The following SIGLECL1 variants were observed in gnomAD, a reference collection of about 807,000 sequenced individuals.
SIGLECL1 encodes SIGLEC family-like protein 1.
SIGLECL1 carries 16 observed loss-of-function variants against 19.1 expected under a neutral mutation model. The ratio of observed to expected loss-of-function variants is 0.84; its 90% CI spans 0.57 to 1.27. The LOEUF (loss-of-function observed/expected upper bound fraction) is 1.27, where lower values mean the gene tolerates loss of function less well. Ranked by LOEUF, SIGLECL1 falls within the 50% of genes most tolerant of loss-of-function variation. The pLI, the probability that SIGLECL1 is intolerant of heterozygous loss-of-function variation, is 0.00. For synonymous variants in SIGLECL1, 89 were observed against 90.4 expected (o/e 0.98, Z 0.09); for missense variants, 210 against 239.4 (o/e 0.88, Z 0.81).
At chr19:51,257,147 C>CTGTA (rs1396346624) in intron 1 of SIGLECL1, among the ~76,000 whole-genome samples, 1 of 152,130 alleles carries the variant, frequency 6.6e-6, no homozygotes, top group Non-Finnish European at 1.5e-5. Flanking sequence ...TAGCTCACAC[C>CTGTA]TGTAATCCTA....
upstream of SIGLECL1, among the ~76,000 whole-genome samples, chr19:51,248,162 G>A (rs57490406): frequency 0.04 from 5,077 of 127,848 alleles, 273 homozygotes; most frequent in African/African-American, 0.15. Context: ...CAAGATGGCC[G>A]CTCCATCTTC....
chr19:51,265,995 C>G, intron 4 of SIGLECL1, 113 bp downstream of exon 4: 1 of 1,003,820 alleles, frequency 1.0e-6, no homozygotes, highest in Non-Finnish European at 1.5e-6. Context: ...AGCTTAGGGT[C>G]TAAAGAGGGA....
rs1228995777 is a variant in SIGLECL1 at position 51,268,642 on chromosome 19, A to G, written c.*45A>G. On this transcript the variant is annotated 3_prime_UTR_variant, in exon 6 of 6. Transcript: ENST00000601727. ...TACCTGGAGTCGCCATTATCCCTGG[A>G]ATTACAAAGATCTGCAAAATTTATA... 1 of 1,599,924 alleles carries G rather than the reference A, an allele frequency of 6.3e-7. No individual in the cohort carries two copies. The highest frequency in any genetic ancestry group is 1.7e-5 in the Admixed American group (1 of 57,306).
rs149317024 is a variant in SIGLECL1 at position 51,265,859 on chromosome 19, C to G, written c.387C>G (p.Leu129=). 1 of 1,614,152 alleles carries G rather than the reference C, an allele frequency of 6.2e-7. No homozygotes were observed. Among genetic ancestry groups the G allele is most frequent in the African/African-American group, 1.3e-5 (1 of 75,022 alleles). ...ATGCGGGAATTGTAATTGCGCTGCT[C>G]TTCCTCTGCCTCCTCCCTCTCATGT... ...AIYAGIVIAL[L]FLCLLPLIVK... The change falls in exon 4 of 6, where the codon CTC becomes CTG. Residue 129 remains leucine (L), a synonymous_variant. Transcript: ENST00000601727.
Position 51,268,752 on chromosome 19 carries a change from C to T in SIGLECL1, c.*155C>T. 1.5e-6 allele frequency: 1 copy of T among 652,426 alleles called. No individual in the cohort carries two copies. Among genetic ancestry groups the T allele is most frequent in the Non-Finnish European group, 2.7e-6 (1 of 375,722 alleles). 40.4% of individuals were successfully genotyped at this position (652,426 alleles called of 1,614,324 possible). A position where few individuals can be genotyped will look rare whatever the true frequency, so the allele number is the denominator to read the frequency against. On this transcript the variant is annotated 3_prime_UTR_variant, in exon 6 of 6. Coordinates refer to ENST00000601727, the MANE Select transcript of SIGLECL1 (RefSeq NM_001385465.1). ...TCACAAAACCCTCTCAATTCCTACA[C>T]ATCCCTTAACACTCATTCTCCATTG... is the stretch of plus-strand genomic sequence containing the variant.
intron 1 of SIGLECL1, among the ~76,000 whole-genome samples, chr19:51,262,385 A>G (rs748995701): frequency 6.6e-6 from 1 of 152,204 alleles, no homozygotes; most frequent in Non-Finnish European, 1.5e-5. Flanking sequence ...GAATGTACCA[A>G]ATCTTAACAA....
Position 51,265,632 on chromosome 19 carries a change from G to A in SIGLECL1, c.287G>A (p.Ser96Asn). ...AACCAAAACGGAACCCATGCTTTGA[G>A]CATCCTACTGATGTCAAGTGAGGGT... The part of the protein sequence containing the change: ...GKNQNGTHAL[S>N]ILLMSRKSSL... The change falls in exon 3 of 6, where the codon AGC becomes AAC. Residue 96 changes from serine (S) to asparagine (N), a missense_variant. Physicochemically the swap from Ser to Asn is conservative, Grantham distance 46. Coordinates refer to ENST00000601727, the MANE Select transcript of SIGLECL1 (RefSeq NM_001385465.1). The A allele has an allele frequency of 1.2e-6, 2 of 1,613,828 alleles. No homozygotes were observed. Among genetic ancestry groups the A allele is most frequent in the Non-Finnish European group, 1.7e-6 (2 of 1,179,806 alleles).
rs200316667 is a variant in SIGLECL1, at chr19:51,264,103, G to A, written c.22+9G>A. On this transcript the variant is annotated intron_variant, in intron 2 of 5. Transcript: ENST00000601727. ...TCCACTGCTACAGCTGGGTAAGTAAGGTGAGAAGCAGCACTGGAGGTGTGT... is the reference window on the plus strand; with the variant it reads ...TCCACTGCTACAGCTGGGTAAGTAAAGTGAGAAGCAGCACTGGAGGTGTGT... The A allele has an allele frequency of 1.7e-4, 273 of 1,613,980 alleles. 1 individual carries two copies. In the Admixed American group the frequency reaches 4.5e-3, roughly 27 times the overall value.
chr19:51,263,509 T>C lies in SIGLECL1; in HGVS notation c.-190-374T>C, dbSNP rs368352257. 2.0e-5 allele frequency among the ~76,000 whole-genome samples: 3 copies of C among 152,272 alleles called. No individual in the cohort carries two copies. In the South Asian group the frequency reaches 6.2e-4, roughly 32 times the overall value. ...AAAACAAACCGGGCATAGTGGCTTA[T>C]GCCTGTAATCTCAGCTGTTTGGGAG... is the stretch of plus-strand genomic sequence containing the variant. On this transcript the variant is annotated intron_variant, in intron 1 of 5. Transcript: ENST00000601727.
At chr19:51,267,595 G>C in intron 5 of SIGLECL1, 66 bp downstream of exon 5, 1 of 1,569,104 alleles carries the variant, frequency 6.4e-7, no homozygotes, top group Non-Finnish European at 8.7e-7. Context: ...ACAGGGAAAG[G>C]AGCACACAGT....
intron 1 of SIGLECL1, among the ~76,000 whole-genome samples, chr19:51,258,327 G>C (rs186191545): frequency 2.0e-4 from 30 of 152,270 alleles, no homozygotes; most frequent in Non-Finnish European, 3.1e-4. Flanking sequence ...TGAAACATAT[G>C]GTTTGAAAAG....
intron 1 of SIGLECL1, among the ~76,000 whole-genome samples, chr19:51,260,318 G>GT (rs1185998727): frequency 1.3e-5 from 2 of 151,950 alleles, no homozygotes; most frequent in Non-Finnish European, 2.9e-5. Flanking sequence ...ATTTTGCCCG[G>GT]TTTTTTTCAA....
At chr19:51,261,116 A>C (rs1320502612) in intron 1 of SIGLECL1, among the ~76,000 whole-genome samples, 1 of 152,168 alleles carries the variant, frequency 6.6e-6, no homozygotes, top group Non-Finnish European at 1.5e-5. Context: ...ACAAATTTTA[A>C]ATATATACTT....
upstream of SIGLECL1, among the ~76,000 whole-genome samples, chr19:51,249,258 G>T (rs540561906): frequency 6.6e-6 from 1 of 152,202 alleles, no homozygotes; most frequent in Admixed American, 6.5e-5. Context: ...AGCAGTTTAG[G>T]TACTGATAAT....
chr19:51,254,875 A>C lies in SIGLECL1; in HGVS notation c.-191+3330A>C, dbSNP rs367559740. On this transcript the variant is annotated intron_variant, in intron 1 of 5. Coordinates refer to ENST00000601727, the MANE Select transcript of SIGLECL1 (RefSeq NM_001385465.1). ...ACCAGTAGACCCATGGCTAAATAAAAACCTGAAAATTTTAGGGAAAACTAG... is the reference window on the plus strand; with the variant it reads ...ACCAGTAGACCCATGGCTAAATAAACACCTGAAAATTTTAGGGAAAACTAG... 1.8e-4 allele frequency among the ~76,000 whole-genome samples: 28 copies of C among 152,352 alleles called. 2 individuals carry two copies. Among genetic ancestry groups the C allele is most frequent in the Admixed American group, 9.1e-4 (14 of 15,302 alleles).
intron 1 of SIGLECL1, among the ~76,000 whole-genome samples, chr19:51,263,006 C>T (rs1156783577): frequency 6.6e-6 from 1 of 152,200 alleles, no homozygotes; most frequent in Non-Finnish European, 1.5e-5. Context: ...TCAGGTGATC[C>T]TCCCACCTTA....
At chr19:51,260,244 C>T (rs11668174) in intron 1 of SIGLECL1, among the ~76,000 whole-genome samples, 15,677 of 152,260 alleles carry the variant, frequency 0.1, 1,473 homozygotes, top group East Asian at 0.32. Context: ...ACCTTTTATG[C>T]TGGACATTTC....
chr19:51,260,168 C>T (rs552968755), intron 1 of SIGLECL1, among the ~76,000 whole-genome samples: 1 of 152,296 alleles, frequency 6.6e-6, no homozygotes, highest in Non-Finnish European at 1.5e-5. Context: ...CTGTTCATAC[C>T]CCCTACAAAT....
rs1319807951 is a variant in SIGLECL1, at chr19:51,251,415, A to T, written c.-321A>T. On this transcript the variant is annotated 5_prime_UTR_variant, in exon 1 of 6. Coordinates refer to ENST00000601727, the MANE Select transcript of SIGLECL1 (RefSeq NM_001385465.1). ...AGCCCTTTGGTCAGACAGAGGCTAA[A>T]TCTGAACAGTCAGGCGGTGAGATTA... 6.5e-6 allele frequency: 1 copy of T among 152,922 alleles called. No individual in the cohort carries two copies. The highest frequency in any genetic ancestry group is 1.5e-5 in the Non-Finnish European group (1 of 68,108). 9.5% of individuals were successfully genotyped at this position (152,922 alleles called of 1,614,324 possible).
Sources: allele counts gnomAD v4.1 joint callset (sites outside exome capture counted in the v4.1 genomes callset), GRCh38; gene constraint gnomAD v4.1.1; transcripts MANE v1.5; gene names NCBI Gene and HGNC (gene_info 2026-07-23, HGNC 2026-07-21).